RALYL: variants seen among roughly 807,000 people sequenced by gnomAD.
The protein encoded by RALYL is RNA-binding Raly-like protein.
A neutral mutation model predicts 35.1 loss-of-function variants in RALYL; 29 were observed. The observed-to-expected ratio is 0.83, with a 90% CI of 0.61 to 1.13. RALYL has a LOEUF of 1.13. Ranked by LOEUF, RALYL falls within the 50% of genes most tolerant of loss-of-function variation. The pLI is 0.00. For synonymous variants in RALYL, 120 were observed against 127.6 expected (o/e 0.94, Z 0.40); for missense variants, 359 against 360.4 (o/e 1.00, Z 0.03).
At chr8:84,502,413 T>A (rs973229896) in intron 1 of RALYL, among the ~76,000 whole-genome samples, 1 of 152,082 alleles carries the variant, frequency 6.6e-6, no homozygotes, top group African/African-American at 2.4e-5. Context: ...AAGTTCTTTT[T>A]ATTCTGAGAA....
At chr8:84,373,491 C>A (rs1856327616) in intron 1 of RALYL, among the ~76,000 whole-genome samples, 1 of 151,954 alleles carries the variant, frequency 6.6e-6, no homozygotes, top group Non-Finnish European at 1.5e-5. Context: ...TTCCCTATTG[C>A]TTGTTTTTGT....
rs552974909 is a variant in RALYL at position 84,354,808 on chromosome 8, T to G, written c.-24+170384T>G. Reference sequence around the variant, plus strand: ...TTTGGGATTTTTATGTTTATTACACTGAGAGCTTAAGGTTTCAGTTTTCTT... The same window carrying G: ...TTTGGGATTTTTATGTTTATTACACGGAGAGCTTAAGGTTTCAGTTTTCTT... On this transcript the variant is annotated intron_variant, in intron 1 of 8. Transcript: ENST00000521268. Among the ~76,000 whole-genome samples the G allele has an allele frequency of 7.3e-5, 11 of 150,318 alleles. No individual in the cohort carries two copies. In the East Asian group the frequency reaches 1.9e-3, roughly 26 times the overall value.
intron 1 of RALYL, among the ~76,000 whole-genome samples, chr8:84,470,681 G>T (rs543623963): frequency 1.1e-4 from 17 of 152,148 alleles, no homozygotes; most frequent in Non-Finnish European, 1.5e-5. Flanking sequence ...TGGTCTTGTG[G>T]AGTAGCTCTT....
chr8:84,843,079 C>G (rs1469137047), intron 4 of RALYL, among the ~76,000 whole-genome samples: 3 of 152,146 alleles, frequency 2.0e-5, no homozygotes, highest in African/African-American at 7.2e-5. Flanking sequence ...CCCTCTCTCA[C>G]CACTCCTATT....
chr8:84,790,658 A>C (rs375790296), intron 3 of RALYL, among the ~76,000 whole-genome samples: 1 of 152,254 alleles, frequency 6.6e-6, no homozygotes, highest in African/African-American at 2.4e-5. Context: ...AAAAGAATTT[A>C]ATTGAGCAAA....
At chr8:84,568,619 T>A (rs2061967485) in intron 2 of RALYL, among the ~76,000 whole-genome samples, 1 of 140,818 alleles carries the variant, frequency 7.1e-6, no homozygotes, top group Non-Finnish European at 1.5e-5. Flanking sequence ...CCCTGAGGAA[T>A]CGCCACACTG....
chr8:84,839,239 C>G (rs551668361), intron 4 of RALYL, among the ~76,000 whole-genome samples: 2 of 152,192 alleles, frequency 1.3e-5, no homozygotes, highest in Admixed American at 6.5e-5. Flanking sequence ...GGGTGACAGA[C>G]GGCACCTGGA....
chr8:84,429,390 T>A (rs2046898635), intron 1 of RALYL, among the ~76,000 whole-genome samples: 1 of 152,172 alleles, frequency 6.6e-6, no homozygotes, highest in Non-Finnish European at 1.5e-5. Flanking sequence ...GTAGCTGTAG[T>A]TTTGATCTTC....
intron 2 of RALYL, among the ~76,000 whole-genome samples, chr8:84,692,827 C>T (rs1838332463): frequency 6.6e-6 from 1 of 151,842 alleles, no homozygotes; most frequent in African/African-American, 2.4e-5. Context: ...CACAAGAATC[C>T]TTCTACTGGA....
chr8:84,287,243 T>C (rs1242340052), intron 1 of RALYL, among the ~76,000 whole-genome samples: 4 of 152,074 alleles, frequency 2.6e-5, no homozygotes, highest in African/African-American at 7.2e-5. Context: ...ATTTGGATAA[T>C]AAAATGGTGA....
chr8:84,804,325 A>G (rs1824084428), intron 3 of RALYL, among the ~76,000 whole-genome samples: 1 of 152,212 alleles, frequency 6.6e-6, no homozygotes, highest in Non-Finnish European at 1.5e-5. Flanking sequence ...ATAAATAACT[A>G]TATATGGTAT....
At chr8:84,558,186 T>C (rs986766630) in intron 2 of RALYL, among the ~76,000 whole-genome samples, 10 of 152,198 alleles carry the variant, frequency 6.6e-5, no homozygotes, top group African/African-American at 1.4e-4. Flanking sequence ...GCAAGAATTG[T>C]ACTTTTCCTT....
chr8:84,654,333 A>T (rs1829541376), intron 2 of RALYL, among the ~76,000 whole-genome samples: 1 of 138,846 alleles, frequency 7.2e-6, no homozygotes, highest in Admixed American at 7.4e-5. Flanking sequence ...ACATATAGGT[A>T]TGCTACATGA....
chr8:84,194,164 G>C (rs1459446293), intron 1 of RALYL, among the ~76,000 whole-genome samples: 3 of 152,188 alleles, frequency 2.0e-5, no homozygotes, highest in Admixed American at 2.0e-4. Context: ...GGAAGACACT[G>C]CTGATTTTGA....
chr8:84,533,946 A>G (rs2059432966), intron 2 of RALYL, among the ~76,000 whole-genome samples: 1 of 152,224 alleles, frequency 6.6e-6, no homozygotes, highest in Admixed American at 6.5e-5. Flanking sequence ...ATGGATTTCA[A>G]ATGTCTTTTC....
intron 4 of RALYL, among the ~76,000 whole-genome samples, chr8:84,807,286 T>G (rs1458392893): frequency 5.3e-5 from 8 of 152,208 alleles, no homozygotes; most frequent in South Asian, 2.1e-4. Flanking sequence ...ATTCCTGAGT[T>G]ACTTCACTTA....
intron 1 of RALYL, among the ~76,000 whole-genome samples, chr8:84,425,398 C>G (rs963258121): frequency 6.6e-6 from 1 of 152,210 alleles, no homozygotes; most frequent in East Asian, 1.9e-4. Context: ...ATGCCTCGCC[C>G]TGCTTCGGCT....
chr8:84,794,009 G>T (rs774095475), intron 3 of RALYL, among the ~76,000 whole-genome samples: 16 of 152,166 alleles, frequency 1.1e-4, no homozygotes, highest in Admixed American at 7.2e-4. Context: ...TTTATTAAGA[G>T]AAAGGATCAG....
intron 1 of RALYL, among the ~76,000 whole-genome samples, chr8:84,264,562 T>C (rs984956389): frequency 6.6e-6 from 1 of 151,922 alleles, no homozygotes; most frequent in Non-Finnish European, 1.5e-5. Context: ...TAGTTGTCTG[T>C]TCACTCTGAT....
Sources: gnomAD v4.1 joint callset for allele counts (sites outside exome capture counted in the v4.1 genomes callset) on GRCh38, gnomAD v4.1.1 for gene constraint, MANE v1.5 for transcripts, NCBI Gene and HGNC (gene_info 2026-07-23, HGNC 2026-07-21) for gene names.